Variants in C10orf90 observed in about 807,000 individuals in gnomAD.
C10orf90 encodes the protein (E2-independent) E3 ubiquitin-conjugating enzyme FATS.
A neutral mutation model predicts 62.5 loss-of-function variants in C10orf90; 56 were observed. That is an observed-to-expected ratio of 0.90 (90% CI 0.72 to 1.12). The LOEUF is 1.12. Among genes scored for constraint, C10orf90 ranks in the 50% most tolerant of loss-of-function variants. C10orf90 has a pLI of 0.00. For missense variants in C10orf90, 970 were observed against 880.4 expected (o/e 1.10, Z -1.29); for synonymous variants, 386 against 340.4 (o/e 1.13, Z -1.47).
chr10:126,491,811 C>T (rs1301588167), intron 4 of C10orf90, among the ~76,000 whole-genome samples: 1 of 152,228 alleles, frequency 6.6e-6, no homozygotes, highest in African/African-American at 2.4e-5. Flanking sequence ...CAAATTATCT[C>T]ATCCATGGTC....
intron 2 of C10orf90, among the ~76,000 whole-genome samples, chr10:126,565,193 A>C (rs1217717599): frequency 1.7e-5 from 1 of 60,446 alleles, no homozygotes; most frequent in African/African-American, 6.1e-5. Flanking sequence ...TATAATATTT[A>C]TATTACATAT....
chr10:126,537,998 AG>A (rs1169861315), intron 2 of C10orf90, among the ~76,000 whole-genome samples: 3 of 152,350 alleles, frequency 2.0e-5, no homozygotes, highest in African/African-American at 7.2e-5. Context: ...GTAAAAATGA[AG>A]GCAAGGATTG....
At chr10:126,494,299 A>C (rs935496163) in intron 4 of C10orf90, among the ~76,000 whole-genome samples, 1 of 152,146 alleles carries the variant, frequency 6.6e-6, no homozygotes, top group African/African-American at 2.4e-5. Context: ...TGTATTTATA[A>C]ATGGGAAAGG....
At chr10:126,455,431 C>A (rs185169356) in intron 7 of C10orf90, among the ~76,000 whole-genome samples, 28 of 152,308 alleles carry the variant, frequency 1.8e-4, no homozygotes, top group Admixed American at 1.7e-3. Flanking sequence ...AAACTCCTTT[C>A]ATGGCACTCT....
intron 2 of C10orf90, 36 bp downstream of exon 2, chr10:126,646,529 A>G: frequency 2.7e-6 from 1 of 376,040 alleles, no homozygotes; most frequent in South Asian, 2.0e-5. Context: ...AAAGGCTTGA[A>G]AGGGAACCCT....
intron 7 of C10orf90, among the ~76,000 whole-genome samples, chr10:126,445,801 T>G (rs1489836198): frequency 1.3e-5 from 1 of 79,648 alleles, no homozygotes; most frequent in Non-Finnish European, 2.3e-5. Flanking sequence ...AAAGAAACTG[T>G]GGTGTATATA....
At chr10:126,448,623 T>G (rs1858957993) in intron 7 of C10orf90, among the ~76,000 whole-genome samples, 1 of 151,744 alleles carries the variant, frequency 6.6e-6, no homozygotes, top group South Asian at 2.1e-4. Context: ...TTTGAAAAGA[T>G]AAACAAAATT....
At chr10:126,550,788 G>T (rs992410542) in intron 2 of C10orf90, among the ~76,000 whole-genome samples, 1 of 152,186 alleles carries the variant, frequency 6.6e-6, no homozygotes, top group South Asian at 2.1e-4. Flanking sequence ...GGGATTACAG[G>T]CATGAGTCAC....
intron 3 of C10orf90, among the ~76,000 whole-genome samples, chr10:126,505,985 CA>C (rs1032641641): frequency 6.6e-6 from 1 of 151,926 alleles, no homozygotes; most frequent in Non-Finnish European, 1.5e-5. Context: ...AACAAACAAT[CA>C]AAAAAAATCA....
chr10:126,551,108 A>G (rs1864620569), intron 2 of C10orf90, among the ~76,000 whole-genome samples: 1 of 152,272 alleles, frequency 6.6e-6, no homozygotes, highest in African/African-American at 2.4e-5. Flanking sequence ...GTAGTCCTGG[A>G]TTTAAGTCCT....
intron 2 of C10orf90, among the ~76,000 whole-genome samples, chr10:126,563,024 A>G (rs1437350966): frequency 1.3e-5 from 2 of 152,172 alleles, no homozygotes; most frequent in Admixed American, 6.5e-5. Flanking sequence ...AGGTGACATC[A>G]CACATGCACA....
At chr10:126,523,117 C>T (rs1033713413) in intron 2 of C10orf90, among the ~76,000 whole-genome samples, 3 of 152,196 alleles carry the variant, frequency 2.0e-5, no homozygotes, top group African/African-American at 7.2e-5. Flanking sequence ...AAAGCCTATT[C>T]TACTGAATTT....
At chr10:126,499,013 CT>C (rs1862236025) in intron 4 of C10orf90, among the ~76,000 whole-genome samples, 1 of 152,298 alleles carries the variant, frequency 6.6e-6, no homozygotes, top group South Asian at 2.1e-4. Flanking sequence ...TAAAGTTTAC[CT>C]TGGGGGATGG....
chr10:126,663,985 A>G (rs574139700), intron 1 of C10orf90, among the ~76,000 whole-genome samples: 9 of 152,240 alleles, frequency 5.9e-5, no homozygotes, highest in African/African-American at 1.9e-4. Flanking sequence ...AATGCTTTCT[A>G]CCTTAGCCCT....
rs140933519 is a variant in C10orf90 at position 126,627,484 on chromosome 10, C to G, written c.313+19081G>C. 1.1e-4 allele frequency among the ~76,000 whole-genome samples: 17 copies of G among 151,810 alleles called. No homozygotes were observed. In the East Asian group the frequency reaches 3.3e-3, roughly 29 times the overall value. Reference sequence around the variant, plus strand: ...AAAGGAGCACACGTCTTGATTGTCTCTGTGGGGTTCCTGCCTCCAGCCTGG... The same window carrying G: ...AAAGGAGCACACGTCTTGATTGTCTGTGTGGGGTTCCTGCCTCCAGCCTGG... On this transcript the variant is annotated intron_variant, in intron 2 of 9. Coordinates refer to ENST00000488181, the MANE Select transcript of C10orf90 (RefSeq NM_001350921.2).
intron 1 of C10orf90, among the ~76,000 whole-genome samples, chr10:126,667,323 G>A (rs1846651270): frequency 6.6e-6 from 1 of 152,050 alleles, no homozygotes; most frequent in Admixed American, 6.5e-5. Flanking sequence ...CTCCCAAAGT[G>A]CTGGGATTAC....
At chr10:126,550,679 T>C (rs1387217716) in intron 2 of C10orf90, among the ~76,000 whole-genome samples, 1 of 152,040 alleles carries the variant, frequency 6.6e-6, no homozygotes, top group Non-Finnish European at 1.5e-5. Flanking sequence ...CCAGCTAATT[T>C]TTGTATTTTT....
intron 7 of C10orf90, among the ~76,000 whole-genome samples, chr10:126,452,231 G>A (rs1017121104): frequency 1.3e-5 from 2 of 151,932 alleles, no homozygotes; most frequent in African/African-American, 2.4e-5. Flanking sequence ...GAAACAAAAC[G>A]TGGGCGTATG....
intron 2 of C10orf90, among the ~76,000 whole-genome samples, chr10:126,593,535 T>C (rs1845023340): frequency 6.6e-6 from 1 of 151,918 alleles, no homozygotes; most frequent in African/African-American, 2.4e-5. Context: ...CAACACACAT[T>C]GAGGACTGTC....
Sources: allele counts gnomAD v4.1 joint callset (sites outside exome capture counted in the v4.1 genomes callset), GRCh38; gene constraint gnomAD v4.1.1; transcripts MANE v1.5; gene names NCBI Gene and HGNC (gene_info 2026-07-23, HGNC 2026-07-21).